Variants in ZNF706 observed in about 807,000 individuals in gnomAD.
ZNF706 encodes the protein zinc finger protein 706.
A neutral mutation model predicts 9.2 loss-of-function variants in ZNF706; 4 were observed. That is an observed-to-expected ratio of 0.43 (90% CI 0.21 to 0.99). The LOEUF (loss-of-function observed/expected upper bound fraction) is 0.99, where lower values mean the gene tolerates loss of function less well. Among genes scored for constraint, ZNF706 ranks in the 50% least tolerant of loss-of-function variants. The pLI, the probability that ZNF706 is intolerant of heterozygous loss-of-function variation, is 0.26. For synonymous variants in ZNF706, 28 were observed against 27.3 expected (o/e 1.03, Z -0.08); for missense variants, 27 against 87.8 (o/e 0.31, Z 2.77).
rs1283504726 is a variant in ZNF706, at chr8:101,197,588, T to C, written c.*1664A>G. 6.6e-6 allele frequency: 1 copy of C among 151,394 alleles called. No individual in the cohort carries two copies. Among genetic ancestry groups the C allele is most frequent in the African/African-American group, 2.4e-5 (1 of 41,218 alleles). The allele number at this position is 151,394 out of a possible 1,614,324, so 9.4% of individuals were successfully genotyped here. A position where few individuals can be genotyped will look rare whatever the true frequency, so the allele number is the denominator to read the frequency against. ...GTTTTATATGATTTGTCACTAAACATATACATATGCTCAAAGCACTTTTAA... is the reference window on the plus strand; with the variant it reads ...GTTTTATATGATTTGTCACTAAACACATACATATGCTCAAAGCACTTTTAA... On this transcript the variant is annotated 3_prime_UTR_variant, in exon 4 of 4. Transcript: ENST00000311212.
At position 101,198,698 on chromosome 8, in the gene ZNF706, G is replaced by C. The variant is rs983381873; in HGVS notation, c.*554C>G. On this transcript the variant is annotated 3_prime_UTR_variant, in exon 4 of 4. Transcript: ENST00000311212. ...CAGAGGGGTACAATGACACATAACCGCAATATACTAAGGCAGCAGATAAGT... is the reference window on the plus strand; with the variant it reads ...CAGAGGGGTACAATGACACATAACCCCAATATACTAAGGCAGCAGATAAGT... The C allele has an allele frequency of 6.6e-6, 1 of 152,476 alleles. No homozygotes were observed. The highest frequency in any genetic ancestry group is 2.4e-5 in the African/African-American group (1 of 41,418). 9.4% of individuals were successfully genotyped at this position (152,476 alleles called of 1,614,324 possible). A position where few individuals can be genotyped will look rare whatever the true frequency, so the allele number is the denominator to read the frequency against.
At position 101,201,573 on chromosome 8, in the gene ZNF706, G is replaced by A. The variant is rs750601874; in HGVS notation, c.135+34C>T. 1 of 1,596,524 alleles carries A rather than the reference G, an allele frequency of 6.3e-7. No homozygotes were observed. Among genetic ancestry groups the A allele is most frequent in the Non-Finnish European group, 8.5e-7 (1 of 1,172,370 alleles). On this transcript the variant is annotated intron_variant, in intron 2 of 3. Transcript: ENST00000311212. This position sits in a 1 kb window ranked among gnomAD's most constrained non-coding sequence, Gnocchi z 4.5. ...TCTATTCAAGCCAAAACTGCCCACG[G>A]GAGAGCTGTATCTTTCAATTCAATT...
rs1478869374 is a variant in ZNF706 at position 101,201,045 on chromosome 8, T to C, written c.135+562A>G. ...AATAAAAGTACTTTATCTTATAGGG[T>C]TGTTATGTGGATTAAATAGGTGAAT... On this transcript the variant is annotated intron_variant, in intron 2 of 3. Transcript: ENST00000311212. The surrounding 1 kb of genome is among the most constrained non-coding windows in gnomAD (Gnocchi z 4.5). 1 of 183,662 alleles carries C rather than the reference T, an allele frequency of 5.4e-6. No individual in the cohort carries two copies. The highest frequency in any genetic ancestry group is 1.1e-3 in the Middle Eastern group (1 of 888). The allele number at this position is 183,662 out of a possible 1,614,324, so 11.4% of individuals were successfully genotyped here. A position where few individuals can be genotyped will look rare whatever the true frequency, so the allele number is the denominator to read the frequency against.
rs183024923 is a variant in ZNF706, at chr8:101,204,953, G to C, written c.-3+482C>G. On this transcript the variant is annotated intron_variant, in intron 1 of 3. Coordinates refer to ENST00000311212, the MANE Select transcript of ZNF706 (RefSeq NM_016096.5). ...GAGAGGAGGAACGCACCCACAGTGA[G>C]GTCTCCACCCAACACTTCTCCGACC... 175 of 985,400 alleles carry C rather than the reference G, an allele frequency of 1.8e-4. No individual in the cohort carries two copies. In the African/African-American group the frequency reaches 2.7e-3, roughly 15 times the overall value. 61.0% of individuals were successfully genotyped at this position (985,400 alleles called of 1,614,324 possible).
chr8:101,205,869 C>T (rs1342234147), upstream of ZNF706: 3 of 152,140 alleles, frequency 2.0e-5, no homozygotes, highest in Non-Finnish European at 4.4e-5. This position sits in a 1 kb window ranked among gnomAD's most constrained non-coding sequence, Gnocchi z 6.6. Flanking sequence ...GGGACGTCGC[C>T]TTCTGTCCCC....
Position 101,205,192 on chromosome 8 carries a change from T to G in ZNF706, c.-3+243A>C, listed in dbSNP as rs1810710765. On this transcript the variant is annotated intron_variant, in intron 1 of 3. Coordinates refer to ENST00000311212, the MANE Select transcript of ZNF706 (RefSeq NM_016096.5). The surrounding 1 kb of genome is among the most constrained non-coding windows in gnomAD (Gnocchi z 6.6). ...CACTCTGGCAGCTGACCGGCGGCTG[T>G]CGCCGGGGGTAAGGTTACCGCTCCG... 6.5e-6 allele frequency: 1 copy of G among 152,778 alleles called. No homozygotes were observed. The highest frequency in any genetic ancestry group is 2.4e-5 in the African/African-American group (1 of 41,350). 9.5% of individuals were successfully genotyped at this position (152,778 alleles called of 1,614,324 possible).
Position 101,200,038 on chromosome 8 carries a change from A to G in ZNF706, c.195T>C (p.Thr65=). The G allele has an allele frequency of 1.2e-6, 2 of 1,612,098 alleles. No homozygotes were observed. The highest frequency in any genetic ancestry group is 1.7e-6 in the Non-Finnish European group (2 of 1,179,660). ...CATCAGCTAATTCTGGAGGAAGTGG[A>G]GTCTTAGGATGCTTGCTCTCAAAGT... ...KQHFESKHPK[T]PLPPELADVQ... Residue 65 remains threonine, a synonymous_variant, in exon 3 of 4, where the codon ACT becomes ACC. Coordinates refer to ENST00000311212, the MANE Select transcript of ZNF706 (RefSeq NM_016096.5).
Position 101,197,714 on chromosome 8 carries a change from T to A in ZNF706, c.*1538A>T, listed in dbSNP as rs1210108336. ...AATCGACATGTTAGGAAACAACAGA[T>A]ATTACATCTGAAACTTAGGAAATAA... On this transcript the variant is annotated 3_prime_UTR_variant, in exon 4 of 4. Coordinates refer to ENST00000311212, the MANE Select transcript of ZNF706 (RefSeq NM_016096.5). 6.6e-6 allele frequency: 1 copy of A among 152,208 alleles called. No homozygotes were observed. The highest frequency in any genetic ancestry group is 2.4e-5 in the African/African-American group (1 of 41,462). The allele number at this position is 152,208 out of a possible 1,614,324, so 9.4% of individuals were successfully genotyped here.
chr8:101,200,190 A>G, intron 2 of ZNF706, 93 bp from the exon 3 acceptor site: 1 of 993,200 alleles, frequency 1.0e-6, no homozygotes, highest in Non-Finnish European at 1.5e-6. Flanking sequence ...AGTATAGACA[A>G]TTATCCCAAA....
chr8:101,199,129 G>A lies in ZNF706; in HGVS notation c.*123C>T. The A allele has an allele frequency of 1.5e-6, 1 of 655,846 alleles. No individual in the cohort carries two copies. The highest frequency in any genetic ancestry group is 2.8e-6 in the Non-Finnish European group (1 of 361,888). The allele number at this position is 655,846 out of a possible 1,614,324, so 40.6% of individuals were successfully genotyped here. A position where few individuals can be genotyped will look rare whatever the true frequency, so the allele number is the denominator to read the frequency against. Reference sequence around the variant, plus strand: ...AAGAGGGAACAGCATAAAAATGAGTGTTTCTGTAGCCCCTTTATTTTTGCT... The same window carrying A: ...AAGAGGGAACAGCATAAAAATGAGTATTTCTGTAGCCCCTTTATTTTTGCT... On this transcript the variant is annotated 3_prime_UTR_variant, in exon 4 of 4. Transcript: ENST00000311212.
intron 1 of ZNF706, chr8:101,204,633 C>G: frequency 1.0e-6 from 1 of 985,454 alleles, no homozygotes; most frequent in Non-Finnish European, 1.2e-6. Context: ...GGGAAAAAGT[C>G]ACTTACAAAT....
chr8:101,198,956 T>G lies in ZNF706; in HGVS notation c.*296A>C. The G allele has an allele frequency of 2.9e-6, 1 of 349,176 alleles. No individual in the cohort carries two copies. Among genetic ancestry groups the G allele is most frequent in the East Asian group, 4.3e-5 (1 of 23,116 alleles). 21.6% of individuals were successfully genotyped at this position (349,176 alleles called of 1,614,324 possible). A position where few individuals can be genotyped will look rare whatever the true frequency, so the allele number is the denominator to read the frequency against. On this transcript the variant is annotated 3_prime_UTR_variant, in exon 4 of 4. Transcript: ENST00000311212. ...TGTGATGTCGTAAATCAAAGTACTATTTTATTAAATGAGTTATTTTACACA... is the reference window on the plus strand; with the variant it reads ...TGTGATGTCGTAAATCAAAGTACTAGTTTATTAAATGAGTTATTTTACACA...
intron 3 of ZNF706, 87 bp downstream of exon 3, chr8:101,199,903 G>T: frequency 7.8e-6 from 7 of 895,524 alleles, no homozygotes; most frequent in Non-Finnish European, 1.2e-5. Flanking sequence ...TCAGAAGGCA[G>T]AAATTAATTT....
intron 2 of ZNF706, chr8:101,200,301 AG>A: frequency 2.1e-6 from 1 of 478,026 alleles, no homozygotes; most frequent in Non-Finnish European, 3.8e-6. Context: ...AAAGAAAGGT[AG>A]GTCACATAGA....
chr8:101,205,034 C>G lies in ZNF706; in HGVS notation c.-3+401G>C, dbSNP rs975970677. On this transcript the variant is annotated intron_variant, in intron 1 of 3. Transcript: ENST00000311212. The surrounding 1 kb of genome is among the most constrained non-coding windows in gnomAD (Gnocchi z 6.6). ...AAACCCGCCTCTCCCGCCTCGGAGA[C>G]CCCCTCCTCCTCCCTGCCACCAAAG... is the stretch of plus-strand genomic sequence containing the variant. The G allele has an allele frequency of 2.6e-6, 2 of 756,030 alleles. No homozygotes were observed. The highest frequency in any genetic ancestry group is 1.9e-5 in the African/African-American group (1 of 52,714). 46.8% of individuals were successfully genotyped at this position (756,030 alleles called of 1,614,324 possible). A position where few individuals can be genotyped will look rare whatever the true frequency, so the allele number is the denominator to read the frequency against.
Position 101,197,151 on chromosome 8 carries a change from A to C in ZNF706, c.*2101T>G. ...ATGAATATCCATGTGAAGAGAATGG[A>C]AACAAGTTTAATCTTAACCCCATTC... On this transcript the variant is annotated 3_prime_UTR_variant, in exon 4 of 4. Coordinates refer to ENST00000311212, the MANE Select transcript of ZNF706 (RefSeq NM_016096.5). 6.6e-6 allele frequency: 1 copy of C among 152,232 alleles called. No individual in the cohort carries two copies. Among genetic ancestry groups the C allele is most frequent in the East Asian group, 1.9e-4 (1 of 5,202 alleles). The allele number at this position is 152,232 out of a possible 1,614,324, so 9.4% of individuals were successfully genotyped here. A position where few individuals can be genotyped will look rare whatever the true frequency, so the allele number is the denominator to read the frequency against.
intron 1 of ZNF706, chr8:101,204,888 A>G: frequency 7.1e-6 from 7 of 985,756 alleles, no homozygotes; most frequent in Non-Finnish European, 8.4e-6. Context: ...AGCGCTCCAC[A>G]TCCTGACCCT....
At chr8:101,199,774 C>T (rs1810493036) in intron 3 of ZNF706, among the ~76,000 whole-genome samples, 1 of 152,198 alleles carries the variant, frequency 6.6e-6, no homozygotes, top group Non-Finnish European at 1.5e-5. Context: ...GTACTCATCT[C>T]CCCATTTTTG....
intron 2 of ZNF706, chr8:101,200,714 A>T (rs1475616181): frequency 6.5e-6 from 1 of 152,918 alleles, no homozygotes; most frequent in Non-Finnish European, 1.5e-5. Context: ...CTCTTTCCAA[A>T]CAATCACAAG....
Sources: gnomAD v4.1 joint callset for allele counts (sites outside exome capture counted in the v4.1 genomes callset) on GRCh38, gnomAD v4.1.1 for gene constraint, Gnocchi (gnomAD v3.1) non-coding constraint, MANE v1.5 for transcripts, NCBI Gene and HGNC (gene_info 2026-07-23, HGNC 2026-07-21) for gene names.